Variants in RAB30 observed in about 807,000 individuals in gnomAD.
RAB30 encodes the protein ras-related protein Rab-30.
RAB30 carries 9 observed loss-of-function variants against 25.1 expected under a neutral mutation model. The observed-to-expected ratio is 0.36, with a 90% CI of 0.22 to 0.63. RAB30 has a LOEUF of 0.63. RAB30 is among the 20% of genes least tolerant of loss of function. The pLI is 0.69. For synonymous variants in RAB30, 77 were observed against 86.4 expected (o/e 0.89, Z 0.60); for missense variants, 140 against 243.5 (o/e 0.58, Z 2.83).
At chr11:82,988,097 T>C (rs370912307) in intron 3 of RAB30, among the ~76,000 whole-genome samples, 5 of 152,288 alleles carry the variant, frequency 3.3e-5, no homozygotes, top group African/African-American at 1.2e-4. Context: ...CCAAGCTCTA[T>C]TCTAAGCATT....
intron 1 of RAB30, among the ~76,000 whole-genome samples, chr11:83,014,011 G>A (rs1332651390): frequency 6.6e-6 from 1 of 152,190 alleles, no homozygotes; most frequent in African/African-American, 2.4e-5. Flanking sequence ...CATCTACTAT[G>A]TGCAAGTCAC....
At chr11:82,997,609 G>A (rs149360353) in intron 1 of RAB30, 241 of 326,930 alleles carry the variant, frequency 7.4e-4, no homozygotes, top group Admixed American at 1.7e-3. Context: ...GTTTCCTCCT[G>A]TGATAAATCT....
rs150711639 is a variant in RAB30, at chr11:83,066,935, A to C, written c.-9+4756T>G. Among the ~76,000 whole-genome samples, 5 of 152,260 alleles carry C rather than the reference A, an allele frequency of 3.3e-5. No individual in the cohort carries two copies. The East Asian group carries it at 9.6e-4, about 29-fold the overall frequency. On this transcript the variant is annotated intron_variant, in intron 1 of 4. Transcript: ENST00000527633. ...CTAATAGTCCTCTTCCAATGTGTTG[A>C]TATTTCCTGCTTTTGAATAGGCCCT...
At position 82,975,212 on chromosome 11, in the gene RAB30, A is replaced by G. The variant is rs562163765; in HGVS notation, c.*6953T>C. On this transcript the variant is annotated 3_prime_UTR_variant, in exon 5 of 5. Transcript: ENST00000527633. ...TTCATTGTCAAATAACCTACAAGAA[A>G]GTTCCACTAGCATTCTGCAATTGTA... 57 of 152,304 alleles carry G rather than the reference A, an allele frequency of 3.7e-4. No homozygotes were observed. The highest frequency in any genetic ancestry group is 1.2e-3 in the African/African-American group (51 of 41,580). 9.4% of individuals were successfully genotyped at this position (152,304 alleles called of 1,614,324 possible). A position where few individuals can be genotyped will look rare whatever the true frequency, so the allele number is the denominator to read the frequency against.
chr11:83,040,099 A>AAGAAACAGGAGGACC (rs1858073585), intron 1 of RAB30, among the ~76,000 whole-genome samples: 1 of 152,212 alleles, frequency 6.6e-6, no homozygotes, highest in Non-Finnish European at 1.5e-5. Flanking sequence ...AGATGTAAGA[A>AAGAAACAGGAGGACC]AGAAACAGGA....
intron 1 of RAB30, among the ~76,000 whole-genome samples, chr11:83,001,180 A>G (rs914058202): frequency 3.3e-5 from 5 of 151,770 alleles, no homozygotes; most frequent in African/African-American, 1.2e-4. Flanking sequence ...GCTCTGTTGA[A>G]TGTGTTTTTG....
At chr11:83,068,358 A>G (rs189508178) in intron 1 of RAB30, among the ~76,000 whole-genome samples, 1 of 152,062 alleles carries the variant, frequency 6.6e-6, no homozygotes, top group Admixed American at 6.5e-5. Context: ...CCCTAGATCT[A>G]AGCACCATCA....
chr11:82,990,530 A>G (rs1244314167), intron 3 of RAB30, among the ~76,000 whole-genome samples: 5 of 152,224 alleles, frequency 3.3e-5, no homozygotes, highest in Admixed American at 2.0e-4. Flanking sequence ...ACAACACAGG[A>G]TGGAGGAATG....
intron 1 of RAB30, among the ~76,000 whole-genome samples, chr11:83,013,546 G>T (rs1181407118): frequency 6.6e-6 from 1 of 152,172 alleles, no homozygotes; most frequent in African/African-American, 2.4e-5. Flanking sequence ...ACACACAAAA[G>T]CTGAGAGTGC....
chr11:83,029,092 C>A (rs80132399), intron 1 of RAB30, among the ~76,000 whole-genome samples: 4,763 of 152,216 alleles, frequency 0.031, 96 homozygotes, highest in Non-Finnish European at 0.047. Flanking sequence ...ATCAAGAGAT[C>A]TAGTCCAAAG....
intron 1 of RAB30, among the ~76,000 whole-genome samples, chr11:83,013,425 C>T (rs1232429355): frequency 1.3e-5 from 2 of 152,102 alleles, no homozygotes; most frequent in Non-Finnish European, 2.9e-5. Context: ...ATCCTGTTTC[C>T]TCCACTAGGC....
intron 1 of RAB30, among the ~76,000 whole-genome samples, chr11:83,069,581 A>C (rs1213140632): frequency 6.6e-6 from 1 of 152,172 alleles, no homozygotes; most frequent in Non-Finnish European, 1.5e-5. Flanking sequence ...AACAGGAAGA[A>C]AGAGGGGGGA....
At chr11:83,037,302 T>C (rs1014917264) in intron 1 of RAB30, among the ~76,000 whole-genome samples, 2 of 152,232 alleles carry the variant, frequency 1.3e-5, no homozygotes, top group African/African-American at 2.4e-5. Context: ...CAGGCTGGAC[T>C]ACAGTGGTGT....
intron 1 of RAB30, among the ~76,000 whole-genome samples, chr11:83,034,935 T>A (rs1260659221): frequency 6.6e-6 from 1 of 151,092 alleles, no homozygotes; most frequent in Admixed American, 6.6e-5. Flanking sequence ...CAGAAAAAAA[T>A]AAAAAGAAAA....
chr11:83,013,020 T>C (rs1857337371), intron 1 of RAB30, among the ~76,000 whole-genome samples: 1 of 152,184 alleles, frequency 6.6e-6, no homozygotes, highest in South Asian at 2.1e-4. Flanking sequence ...ACTCTCTACT[T>C]TGTGCCTCCT....
At position 83,060,356 on chromosome 11, in the gene RAB30, T is replaced by C. The variant is rs1046518846; in HGVS notation, c.-9+11335A>G. Among the ~76,000 whole-genome samples, 5 of 152,320 alleles carry C rather than the reference T, an allele frequency of 3.3e-5. No homozygotes were observed. The East Asian group carries it at 7.7e-4, about 23-fold the overall frequency. On this transcript the variant is annotated intron_variant, in intron 1 of 4. Coordinates refer to ENST00000527633, the MANE Select transcript of RAB30 (RefSeq NM_001286060.2). ...GATTATCGATAGATGTTAAAACTTT[T>C]GAATTAAAGTTATTGAGGAACAGGA...
At chr11:83,023,184 C>T (rs966056969) in intron 1 of RAB30, among the ~76,000 whole-genome samples, 1 of 152,054 alleles carries the variant, frequency 6.6e-6, no homozygotes, top group African/African-American at 2.4e-5. Flanking sequence ...ACTGCTTTAC[C>T]CAATAGATTT....
At chr11:82,999,289 C>G (rs1857024282) in intron 1 of RAB30, among the ~76,000 whole-genome samples, 1 of 152,144 alleles carries the variant, frequency 6.6e-6, no homozygotes, top group Non-Finnish European at 1.5e-5. Flanking sequence ...TAAAGCTAAG[C>G]ACCAGATTCA....
intron 1 of RAB30, among the ~76,000 whole-genome samples, chr11:83,059,836 CAAG>C (rs2121520323): frequency 6.6e-6 from 1 of 151,870 alleles, no homozygotes; most frequent in Admixed American, 6.6e-5. Flanking sequence ...GGAAAAAAGG[CAAG>C]AAGATTAGTA....
Sources: gnomAD v4.1 joint callset for allele counts (sites outside exome capture counted in the v4.1 genomes callset) on GRCh38, gnomAD v4.1.1 for gene constraint, MANE v1.5 for transcripts, NCBI Gene and HGNC (gene_info 2026-07-23, HGNC 2026-07-21) for gene names.